Variants in SLC2A11 observed in about 807,000 individuals in gnomAD.
SLC2A11 encodes solute carrier family 2 member 11, also known as solute carrier family 2, facilitated glucose transporter member 11.
A neutral mutation model predicts 52.1 loss-of-function variants in SLC2A11; 43 were observed. That is an observed-to-expected ratio of 0.82 (90% CI 0.65 to 1.06). The LOEUF (loss-of-function observed/expected upper bound fraction) is 1.06, where lower values mean the gene tolerates loss of function less well. SLC2A11 is among the 50% of genes least tolerant of loss of function. The pLI, the probability that SLC2A11 is intolerant of heterozygous loss-of-function variation, is 0.00. For synonymous variants in SLC2A11, 261 were observed against 277.6 expected (o/e 0.94, Z 0.59); for missense variants, 582 against 654.2 (o/e 0.89, Z 1.20).
At position 23,876,993 on chromosome 22, in the gene SLC2A11, T is replaced by TG. The variant is rs759561557; in HGVS notation, c.416-44dup. The stretch of plus-strand genomic sequence containing the variant: ...GGGAGACAGGCTGGGTGTCGTGGAG[T>TG]GGGGGTCCCAGCTGGTGGCTGACGT... On this transcript the variant is annotated intron_variant, in intron 4 of 11. Transcript: ENST00000316185. 5.6e-6 allele frequency: 9 copies of TG among 1,611,628 alleles called. No homozygotes were observed. The South Asian group carries it at 6.6e-5, about 12-fold the overall frequency.
intron 3 of SLC2A11, chr22:23,869,920 A>C: frequency 1.4e-6 from 1 of 694,648 alleles, no homozygotes; most frequent in East Asian, 2.7e-5. Context: ...AGGCAAAAAG[A>C]GCCTGCCTAG....
At position 23,860,370 on chromosome 22, in the gene SLC2A11, C is replaced by G. The variant is rs143847401; in HGVS notation, c.31-1734C>G. ...TTGAGGCTGCAGTGAATCAAGATTG[C>G]GACACTGCACTCCAGCCTGGGTGAC... On this transcript the variant is annotated intron_variant, in intron 1 of 11. Transcript: ENST00000316185. Among the ~76,000 whole-genome samples the G allele has an allele frequency of 6.8e-3, 1,030 of 152,060 alleles. 11 individuals are homozygous for G. Among genetic ancestry groups the G allele is most frequent in the African/African-American group, 0.024 (992 of 41,446 alleles).
chr22:23,862,207 G>A lies in SLC2A11; in HGVS notation c.129+5G>A. On this transcript the variant is annotated splice_donor_5th_base_variant and intron_variant, in intron 2 of 11. Transcript: ENST00000316185. Reference sequence around the variant, plus strand: ...ATCATCAATGCCCCGACCTTGGTATGTATCCTCTCTGGGTGGAGACTGTCC... The same window carrying A: ...ATCATCAATGCCCCGACCTTGGTATATATCCTCTCTGGGTGGAGACTGTCC... The A allele has an allele frequency of 6.2e-7, 1 of 1,613,674 alleles. No individual in the cohort carries two copies. Among genetic ancestry groups the A allele is most frequent in the Non-Finnish European group, 8.5e-7 (1 of 1,179,568 alleles).
At chr22:23,883,271 G>C (rs1428935224) in intron 8 of SLC2A11, 1 of 344,110 alleles carries the variant, frequency 2.9e-6, no homozygotes, top group East Asian at 8.7e-5. Flanking sequence ...AGGAGTTGGA[G>C]ACCAGCCTGG....
intron 6 of SLC2A11, chr22:23,882,207 CACACACAG>C (rs1401182326): frequency 1.8e-6 from 1 of 556,088 alleles, no homozygotes; most frequent in Admixed American, 3.4e-5. Context: ...AACACACACA[CACACACAG>C]ACACAGAGAC....
chr22:23,880,889 T>G (rs2032773795), intron 6 of SLC2A11: 1 of 152,174 alleles, frequency 6.6e-6, no homozygotes, highest in African/African-American at 2.4e-5. Context: ...GTTCATGCTT[T>G]CAACATTTGG....
At chr22:23,863,098 G>A (rs750403846) in intron 2 of SLC2A11, among the ~76,000 whole-genome samples, 12 of 152,084 alleles carry the variant, frequency 7.9e-5, no homozygotes, top group Admixed American at 6.6e-5. Flanking sequence ...TCACACCTTC[G>A]CTCCCCCAAC....
At chr22:23,857,652 A>T, upstream of SLC2A11, 3 of 1,125,140 alleles carry the variant, frequency 2.7e-6, no homozygotes, top group Non-Finnish European at 3.8e-6. Flanking sequence ...CTTCTTAAAA[A>T]CGCTGAGTCC....
In SLC2A11 at chr22:23,884,596, G is replaced by A. The variant is rs1208828902; in HGVS notation, c.1300-53G>A. 1 of 1,580,032 alleles carries A rather than the reference G, an allele frequency of 6.3e-7. No homozygotes were observed. The highest frequency in any genetic ancestry group is 1.4e-5 in the African/African-American group (1 of 73,778). The stretch of plus-strand genomic sequence containing the variant: ...CCTCACGACCTGTCATGGGCCTTCT[G>A]TTTAGGGGTTGATGGAGACACACCA... On this transcript the variant is annotated intron_variant, in intron 11 of 11. Transcript: ENST00000316185. The surrounding 1 kb of genome is among the most constrained non-coding windows in gnomAD (Gnocchi z 4.3).
upstream of SLC2A11, chr22:23,857,061 A>AGT (rs764562970): frequency 0.015 from 7,183 of 484,554 alleles, 111 homozygotes; most frequent in East Asian, 0.035. Flanking sequence ...CCTGAACCAA[A>AGT]GTGTGTGTGT....
At chr22:23,857,448 G>T, upstream of SLC2A11, 1 of 1,613,250 alleles carries the variant, frequency 6.2e-7, no homozygotes, top group East Asian at 2.2e-5. Context: ...AGCCGAGTAA[G>T]GAGTGAGCGG....
chr22:23,885,032 G>C lies in SLC2A11; in HGVS notation c.*183G>C. The C allele has an allele frequency of 1.7e-6, 1 of 581,920 alleles. No homozygotes were observed. Among genetic ancestry groups the C allele is most frequent in the South Asian group, 2.2e-5 (1 of 46,082 alleles). 36.0% of individuals were successfully genotyped at this position (581,920 alleles called of 1,614,324 possible). On this transcript the variant is annotated 3_prime_UTR_variant, in exon 12 of 12. Coordinates refer to ENST00000316185, the MANE Select transcript of SLC2A11 (RefSeq NM_001024939.4). Reference sequence around the variant, plus strand: ...GTGAGCGTGGTATTCCAGGCTAAAGGTAATTAACTGACAGAAAATCAGTAA... The same window carrying C: ...GTGAGCGTGGTATTCCAGGCTAAAGCTAATTAACTGACAGAAAATCAGTAA...
chr22:23,881,465 G>T (rs767796756), intron 6 of SLC2A11: 6 of 152,284 alleles, frequency 3.9e-5, no homozygotes, highest in Admixed American at 1.3e-4. Context: ...CCAGAGCCAG[G>T]AGCAGGGATG....
At position 23,884,283 on chromosome 22, in the gene SLC2A11, T is replaced by G; in HGVS notation, c.1172-19T>G. ...GGGAACCCTGGCCAGCAGCCCCCTG[T>G]CCCTGCCCCTCCTTCTAGCCGGAGT... is the stretch of plus-strand genomic sequence containing the variant. On this transcript the variant is annotated intron_variant, in intron 10 of 11. Transcript: ENST00000316185. This position sits in a 1 kb window ranked among gnomAD's most constrained non-coding sequence, Gnocchi z 4.3. The G allele has an allele frequency of 6.2e-7, 1 of 1,608,822 alleles. No individual in the cohort carries two copies. The highest frequency in any genetic ancestry group is 8.5e-7 in the Non-Finnish European group (1 of 1,176,912).
At chr22:23,868,900 T>C in intron 3 of SLC2A11, 1 of 456,244 alleles carries the variant, frequency 2.2e-6, no homozygotes, top group Non-Finnish European at 3.9e-6. Flanking sequence ...CTAACTGACC[T>C]TAAACAAGTT....
At chr22:23,883,239 G>A (rs1010197055) in intron 8 of SLC2A11, 1 of 376,026 alleles carries the variant, frequency 2.7e-6, no homozygotes, top group Non-Finnish European at 5.1e-6. Flanking sequence ...TCCAGCCCAG[G>A]CAATAGTGCT....
At chr22:23,860,492 G>A (rs912194931) in intron 1 of SLC2A11, among the ~76,000 whole-genome samples, 19 of 152,040 alleles carry the variant, frequency 1.2e-4, no homozygotes, top group Admixed American at 3.3e-4. Flanking sequence ...ACTACAGGTC[G>A]GGTGCGGTGG....
upstream of SLC2A11, chr22:23,856,995 G>C: frequency 6.2e-7 from 1 of 1,609,590 alleles, no homozygotes; most frequent in East Asian, 2.2e-5. Flanking sequence ...AAGACTGGTG[G>C]GTCTATCTTT....
rs927936460 is a variant in SLC2A11 at position 23,867,462 on chromosome 22, T to G, written c.130-1019T>G. On this transcript the variant is annotated intron_variant, in intron 2 of 11. Transcript: ENST00000316185. ...ATACGCCCATCTCGGCCTCCCAAAG[T>G]GCTGTGATTACAGGTGTGAGCCACC... is the stretch of plus-strand genomic sequence containing the variant. 7.6e-5 allele frequency: 20 copies of G among 262,772 alleles called. 1 individual carries two copies. The South Asian group carries it at 7.7e-4, about 10-fold the overall frequency. The allele number at this position is 262,772 out of a possible 1,614,324, so 16.3% of individuals were successfully genotyped here. A position where few individuals can be genotyped will look rare whatever the true frequency, so the allele number is the denominator to read the frequency against.
Sources: gnomAD v4.1 joint callset for allele counts (sites outside exome capture counted in the v4.1 genomes callset) on GRCh38, gnomAD v4.1.1 for gene constraint, Gnocchi (gnomAD v3.1) non-coding constraint, MANE v1.5 for transcripts, NCBI Gene and HGNC (gene_info 2026-07-23, HGNC 2026-07-21) for gene names.